The following PPFIBP1 variants were observed in gnomAD, a reference collection of about 807,000 sequenced individuals.
PPFIBP1 encodes the protein PPFIB scaffold protein 1.
A neutral mutation model predicts 137.8 loss-of-function variants in PPFIBP1; 112 were observed. That is an observed-to-expected ratio of 0.81 (90% confidence interval 0.70 to 0.95). PPFIBP1 has a LOEUF of 0.95. PPFIBP1 is among the 40% of genes least tolerant of loss of function. The pLI is 0.00. For synonymous variants in PPFIBP1, 378 were observed against 417.3 expected, an observed-to-expected ratio of 0.91 and a Z score of 1.15; for missense variants, 1,083 against 1,196.6, an observed-to-expected ratio of 0.91 and a Z score of 1.40.
chr12:27,630,059 A>G (rs2057152527), intron 2 of PPFIBP1, among the ~76,000 whole-genome samples: 1 of 152,170 alleles, frequency 6.6e-6, no homozygotes. Context: ...GATGGTTGAT[A>G]ATATTTTCAA....
rs1259577240 is a variant in PPFIBP1, at chr12:27,578,158, A to G, written c.-117A>G. On this transcript the variant is annotated 5_prime_UTR_variant, in exon 2 of 30. Transcript: ENST00000228425. The stretch of plus-strand genomic sequence containing the variant: ...TGTATTTGTTTCTTTTCAGTATAAA[A>G]GAACGTGTGGATCACTTTGCTGAGT... 1.3e-5 allele frequency: 2 copies of G among 152,226 alleles called. No individual in the cohort carries two copies. The highest frequency in any genetic ancestry group is 2.9e-5 in the Non-Finnish European group (2 of 68,040). 9.4% of individuals were successfully genotyped at this position (152,226 alleles called of 1,614,324 possible). A position where few individuals can be genotyped will look rare whatever the true frequency, so the allele number is the denominator to read the frequency against.
chr12:27,655,410 G>C (rs1417882870), intron 8 of PPFIBP1, among the ~76,000 whole-genome samples: 1 of 152,130 alleles, frequency 6.6e-6, no homozygotes, highest in African/African-American at 2.4e-5. Flanking sequence ...GTTGTTTTCA[G>C]AAATACATGA....
chr12:27,671,419 A>C lies in PPFIBP1; in HGVS notation c.1147-12A>C. On this transcript the variant is annotated splice_polypyrimidine_tract_variant and intron_variant, in intron 13 of 29. Transcript: ENST00000228425. ...TTGATTGATTGATTGATTTTTTGTAATTACATTACAGTTCCATACTACCAT... is the reference window on the plus strand; with the variant it reads ...TTGATTGATTGATTGATTTTTTGTACTTACATTACAGTTCCATACTACCAT... 7.0e-7 allele frequency: 1 copy of C among 1,427,838 alleles called. No individual in the cohort carries two copies. Among genetic ancestry groups the C allele is most frequent in the Non-Finnish European group, 9.5e-7 (1 of 1,047,304 alleles). The allele number at this position is 1,427,838 out of a possible 1,614,324, so 88.4% of individuals were successfully genotyped here.
chr12:27,680,003 A>ACAAGGGCAACCGC lies in PPFIBP1; in HGVS notation c.1838_1850dup (p.Gly618LysfsTer18). 1 of 1,614,108 alleles carries ACAAGGGCAACCGC rather than the reference A, an allele frequency of 6.2e-7. No individual in the cohort carries two copies. The highest frequency in any genetic ancestry group is 8.5e-7 in the Non-Finnish European group (1 of 1,179,976). ...TGAGCCTGAATTCAAAAGAGGAGGG[A>ACAAGGGCAACCGC]CAAGGGCAACCGCGGGGCCCCGATT... On this transcript the variant is annotated frameshift_variant, in exon 21 of 30. Coordinates refer to ENST00000228425, the MANE Select transcript of PPFIBP1 (RefSeq NM_003622.4). LOFTEE classifies it high-confidence loss of function.
At chr12:27,692,711 C>G in intron 29 of PPFIBP1, 55 bp downstream of exon 29, 1 of 1,613,774 alleles carries the variant, frequency 6.2e-7, no homozygotes, top group Non-Finnish European at 8.5e-7. Context: ...TTTATAACAA[C>G]CCCAAAGGAC....
chr12:27,672,002 C>T (rs1007055663), intron 14 of PPFIBP1, among the ~76,000 whole-genome samples: 6 of 151,738 alleles, frequency 4.0e-5, no homozygotes, highest in African/African-American at 1.2e-4. Context: ...GCCCAGGAAG[C>T]GGAGGCTGAA....
chr12:27,584,851 G>A (rs1303550288), intron 2 of PPFIBP1, among the ~76,000 whole-genome samples: 1 of 152,150 alleles, frequency 6.6e-6, no homozygotes, highest in African/African-American at 2.4e-5. Context: ...AGGTAGTAAT[G>A]GCCAGCACCT....
At chr12:27,566,069 T>C (rs946889704) in intron 1 of PPFIBP1, among the ~76,000 whole-genome samples, 1 of 152,210 alleles carries the variant, frequency 6.6e-6, no homozygotes, top group Non-Finnish European at 1.5e-5. Context: ...AATTTTTTTT[T>C]CCCAGAAAGA....
At chr12:27,613,930 G>A (rs771566485) in intron 2 of PPFIBP1, among the ~76,000 whole-genome samples, 1 of 152,020 alleles carries the variant, frequency 6.6e-6, no homozygotes, top group Non-Finnish European at 1.5e-5. Context: ...CCCCACACAC[G>A]TCCATACAGC....
At chr12:27,612,741 C>G (rs1337640994) in intron 2 of PPFIBP1, among the ~76,000 whole-genome samples, 1 of 152,144 alleles carries the variant, frequency 6.6e-6, no homozygotes, top group Non-Finnish European at 1.5e-5. Flanking sequence ...CTTCTGGGCC[C>G]TGAAATACAA....
intron 12 of PPFIBP1, among the ~76,000 whole-genome samples, chr12:27,664,880 A>G (rs1227440446): frequency 2.0e-5 from 3 of 152,180 alleles, no homozygotes; most frequent in Non-Finnish European, 4.4e-5. Context: ...AGAGGGACTC[A>G]CTGAAGGGTT....
At chr12:27,663,987 G>A (rs761665598) in intron 11 of PPFIBP1, among the ~76,000 whole-genome samples, 2 of 152,104 alleles carry the variant, frequency 1.3e-5, no homozygotes, top group Non-Finnish European at 2.9e-5. Context: ...TTTCTTTTAA[G>A]GTTTGACTTA....
At chr12:27,665,976 T>A (rs770625767) in intron 12 of PPFIBP1, among the ~76,000 whole-genome samples, 11 of 152,264 alleles carry the variant, frequency 7.2e-5, no homozygotes, top group Non-Finnish European at 1.5e-4. Flanking sequence ...AGTGATTAAT[T>A]TTTACATATG....
At chr12:27,632,188 A>G (rs1180392042) in intron 2 of PPFIBP1, among the ~76,000 whole-genome samples, 1 of 152,244 alleles carries the variant, frequency 6.6e-6, no homozygotes, top group African/African-American at 2.4e-5. Flanking sequence ...CAACAATTAT[A>G]TGGCATTATG....
chr12:27,661,212 G>A (rs2059526461), intron 11 of PPFIBP1, among the ~76,000 whole-genome samples: 1 of 152,184 alleles, frequency 6.6e-6, no homozygotes, highest in Admixed American at 6.5e-5. Context: ...ACATGTAAGA[G>A]AGAGGATACA....
chr12:27,634,826 A>G, intron 3 of PPFIBP1, 84 bp from the exon 4 acceptor site: 6 of 1,073,654 alleles, frequency 5.6e-6, no homozygotes, highest in South Asian at 5.4e-5. Flanking sequence ...CCTTACTGTG[A>G]CTAGACTGGT....
At chr12:27,595,592 C>T (rs569737588) in intron 2 of PPFIBP1, among the ~76,000 whole-genome samples, 24 of 152,226 alleles carry the variant, frequency 1.6e-4, no homozygotes, top group African/African-American at 4.6e-4. Flanking sequence ...CAGTGGCTCA[C>T]GCTTATAATC....
At chr12:27,619,750 A>G (rs2056146739) in intron 2 of PPFIBP1, among the ~76,000 whole-genome samples, 1 of 152,178 alleles carries the variant, frequency 6.6e-6, no homozygotes, top group South Asian at 2.1e-4. Flanking sequence ...TGTTAGGGGT[A>G]TGTTACATAG....
chr12:27,562,235 G>T (rs1488745770), intron 1 of PPFIBP1, among the ~76,000 whole-genome samples: 3 of 152,070 alleles, frequency 2.0e-5, no homozygotes, highest in Non-Finnish European at 4.4e-5. Flanking sequence ...CTAGATGAGT[G>T]TCTGGCACAT....
Sources: gnomAD v4.1 joint callset for allele counts (sites outside exome capture counted in the v4.1 genomes callset) on GRCh38, gnomAD v4.1.1 for gene constraint, MANE v1.5 for transcripts, NCBI Gene and HGNC (gene_info 2026-07-23, HGNC 2026-07-21) for gene names.